Variants in CNTNAP2 observed in about 807,000 individuals in gnomAD.
CNTNAP2 encodes contactin-associated protein-like 2.
CNTNAP2 carries 98 observed loss-of-function variants against 155.2 expected under a neutral mutation model. The observed-to-expected ratio is 0.63, with a 90% CI of 0.54 to 0.75. The LOEUF (loss-of-function observed/expected upper bound fraction) is 0.75, where lower values mean the gene tolerates loss of function less well. Ranked by LOEUF, CNTNAP2 falls within the 30% of genes least tolerant of loss-of-function variation. The probability of loss-of-function intolerance (pLI) is 0.00; values close to 1 mark genes in which losing one functional copy is unlikely to be tolerated. For missense variants in CNTNAP2, 1,727 were observed against 1,688.1 expected (o/e 1.02, Z -0.40); for synonymous variants, 651 against 631.2 (o/e 1.03, Z -0.47).
chr7:146,516,080 C>T (rs1797537142), intron 1 of CNTNAP2, among the ~76,000 whole-genome samples: 1 of 151,916 alleles, frequency 6.6e-6, no homozygotes, highest in Non-Finnish European at 1.5e-5. Flanking sequence ...TACATGACAA[C>T]TCTCATTTCC....
intron 8 of CNTNAP2, among the ~76,000 whole-genome samples, chr7:147,259,005 G>A (rs911675788): frequency 6.6e-6 from 1 of 152,174 alleles, no homozygotes; most frequent in Non-Finnish European, 1.5e-5. Flanking sequence ...TGGAAGTATG[G>A]GATGGTTTCA....
chr7:148,308,543 CTATTTATG>C (rs1797530813), intron 21 of CNTNAP2, among the ~76,000 whole-genome samples: 2 of 135,330 alleles, frequency 1.5e-5, no homozygotes, highest in African/African-American at 2.8e-5. Context: ...CCATTTTAAC[CTATTTATG>C]TATTTATTTA....
At chr7:147,628,740 A>G (rs1326866322) in intron 12 of CNTNAP2, among the ~76,000 whole-genome samples, 1 of 152,068 alleles carries the variant, frequency 6.6e-6, no homozygotes, top group Non-Finnish European at 1.5e-5. Context: ...CTCACCTAAC[A>G]CATAAGGACT....
intron 13 of CNTNAP2, among the ~76,000 whole-genome samples, chr7:147,899,920 A>C (rs1200314014): frequency 7.4e-6 from 1 of 135,388 alleles, no homozygotes; most frequent in Non-Finnish European, 1.7e-5. Flanking sequence ...GAAAGAAAGA[A>C]AGAGTCATCC....
At chr7:146,970,668 C>T (rs1336993002) in intron 3 of CNTNAP2, among the ~76,000 whole-genome samples, 2 of 152,058 alleles carry the variant, frequency 1.3e-5, no homozygotes, top group South Asian at 4.1e-4. Context: ...CCTCAGGGAT[C>T]TAGAACTAGA....
intron 5 of CNTNAP2, 62 bp downstream of exon 5, chr7:147,108,412 A>G: frequency 7.4e-7 from 1 of 1,356,424 alleles, no homozygotes. Flanking sequence ...GAATATGTTC[A>G]TGTTGCTCAA....
chr7:146,462,492 G>A (rs1310441743), intron 1 of CNTNAP2, among the ~76,000 whole-genome samples: 1 of 152,092 alleles, frequency 6.6e-6, no homozygotes, highest in African/African-American at 2.4e-5. Flanking sequence ...TCTGACCTTG[G>A]TGTTTTCCTT....
chr7:146,434,446 A>G (rs937121447), intron 1 of CNTNAP2, among the ~76,000 whole-genome samples: 2 of 152,182 alleles, frequency 1.3e-5, no homozygotes, highest in Non-Finnish European at 2.9e-5. Flanking sequence ...ACTTTCAAGC[A>G]TGGATTAAAA....
chr7:146,252,883 C>T (rs753708401), intron 1 of CNTNAP2, among the ~76,000 whole-genome samples: 15 of 141,744 alleles, frequency 1.1e-4, no homozygotes, highest in South Asian at 2.1e-4. Context: ...ATTGCCTCAT[C>T]GTAATGATAA....
intron 3 of CNTNAP2, among the ~76,000 whole-genome samples, chr7:146,904,118 A>G (rs1796065586): frequency 6.6e-6 from 1 of 152,162 alleles, no homozygotes; most frequent in Non-Finnish European, 1.5e-5. Flanking sequence ...AAAATAGCCC[A>G]CAATATCTTA....
chr7:148,187,962 C>T (rs1795146322), intron 18 of CNTNAP2, among the ~76,000 whole-genome samples: 1 of 152,036 alleles, frequency 6.6e-6, no homozygotes, highest in South Asian at 2.1e-4. Context: ...ACAGACCACA[C>T]CACCACCCCA....
At chr7:147,802,318 C>T (rs953815344) in intron 13 of CNTNAP2, among the ~76,000 whole-genome samples, 10 of 150,594 alleles carry the variant, frequency 6.6e-5, no homozygotes, top group Admixed American at 5.9e-4. Context: ...AGGGGCTCCT[C>T]ACATCCCAGA....
At chr7:147,323,273 G>C (rs1446372696) in intron 9 of CNTNAP2, among the ~76,000 whole-genome samples, 1 of 114,700 alleles carries the variant, frequency 8.7e-6, no homozygotes, top group Non-Finnish European at 1.7e-5. Context: ...CTGGTATGTT[G>C]TGTCTTTGTT....
At chr7:146,645,406 A>G (rs549311721) in intron 1 of CNTNAP2, among the ~76,000 whole-genome samples, 100 of 152,262 alleles carry the variant, frequency 6.6e-4, no homozygotes, top group African/African-American at 2.3e-3. Flanking sequence ...CCCTCATTCT[A>G]TGTCAGGCTT....
chr7:146,336,047 A>G (rs565231158), intron 1 of CNTNAP2, among the ~76,000 whole-genome samples: 103 of 152,064 alleles, frequency 6.8e-4, no homozygotes, highest in African/African-American at 2.5e-3. Flanking sequence ...TAAAAATACA[A>G]AATTAGCCAG....
At chr7:147,991,394 G>A (rs1455365185) in intron 15 of CNTNAP2, among the ~76,000 whole-genome samples, 1 of 152,122 alleles carries the variant, frequency 6.6e-6, no homozygotes, top group Non-Finnish European at 1.5e-5. Flanking sequence ...ATGATAAATT[G>A]CAGAAAACTT....
chr7:146,900,059 T>C (rs1410255226), intron 3 of CNTNAP2, among the ~76,000 whole-genome samples: 1 of 152,238 alleles, frequency 6.6e-6, no homozygotes, highest in Non-Finnish European at 1.5e-5. Flanking sequence ...TTTTCACCAT[T>C]ATGTAATTCA....
intron 13 of CNTNAP2, among the ~76,000 whole-genome samples, chr7:147,741,847 A>G (rs774714957): frequency 6.6e-6 from 1 of 152,158 alleles, no homozygotes; most frequent in African/African-American, 2.4e-5. Context: ...ATTTTATGTT[A>G]TTATTATCTT....
intron 20 of CNTNAP2, among the ~76,000 whole-genome samples, chr7:148,242,390 G>A (rs767150399): frequency 2.0e-5 from 3 of 152,192 alleles, no homozygotes; most frequent in Non-Finnish European, 4.4e-5. Flanking sequence ...AGTCAGTCCT[G>A]GGATTGAGTC....
Sources: gnomAD v4.1 joint callset for allele counts (sites outside exome capture counted in the v4.1 genomes callset) on GRCh38, gnomAD v4.1.1 for gene constraint, MANE v1.5 for transcripts, NCBI Gene and HGNC (gene_info 2026-07-23, HGNC 2026-07-21) for gene names.